The following CCDC191 variants were observed in gnomAD, a reference collection of about 807,000 sequenced individuals.
The protein encoded by CCDC191 is coiled-coil domain-containing protein 191.
CCDC191 carries 99 observed loss-of-function variants against 114.0 expected under a neutral mutation model. The ratio of observed to expected loss-of-function variants is 0.87; its 90% CI spans 0.74 to 1.03. CCDC191 has a LOEUF of 1.03. CCDC191 is among the 50% of genes least tolerant of loss of function. CCDC191 has a pLI of 0.00. For synonymous variants in CCDC191, 351 were observed against 376.0 expected (o/e 0.93, Z 0.77); for missense variants, 973 against 1,087.0 (o/e 0.90, Z 1.47).
At chr3:114,015,477 T>C (rs1005334617) in intron 8 of CCDC191, among the ~76,000 whole-genome samples, 2 of 152,222 alleles carry the variant, frequency 1.3e-5, no homozygotes, top group African/African-American at 4.8e-5. Context: ...TTTTAAGTAG[T>C]GATTTATGAG....
At position 113,980,665 on chromosome 3, in the gene CCDC191, G is replaced by A; in HGVS notation, c.2292C>T (p.Ser764=). ...GACAGTGTACCTGGATGTTTTGTTT[G>A]CTTTGCATTCTCAATCTCTTCCAAG... The part of the protein sequence containing the change: ...LEPWKRLRMQ[S]KQNIQVAEEH... Residue 764 remains serine (S), a synonymous_variant, in exon 14 of 17, where the codon AGC becomes AGT. Coordinates refer to ENST00000295878, the MANE Select transcript of CCDC191 (RefSeq NM_020817.2). 1 of 1,591,080 alleles carries A rather than the reference G, an allele frequency of 6.3e-7. No individual in the cohort carries two copies. Among genetic ancestry groups the A allele is most frequent in the Non-Finnish European group, 8.5e-7 (1 of 1,173,720 alleles).
intron 6 of CCDC191, among the ~76,000 whole-genome samples, chr3:114,032,120 C>G: frequency 6.6e-6 from 1 of 152,110 alleles, no homozygotes; most frequent in East Asian, 1.9e-4. Context: ...CATAAATTAT[C>G]TCCCATAGAA....
intron 9 of CCDC191, among the ~76,000 whole-genome samples, chr3:114,007,678 C>T (rs1011523512): frequency 3.9e-5 from 6 of 152,046 alleles, no homozygotes; most frequent in African/African-American, 1.4e-4. Context: ...CTTAGTGGTA[C>T]AGATAGTACT....
In CCDC191 at chr3:113,965,161, G is replaced by A. The variant is rs145304274; in HGVS notation, c.2805C>T (p.Asn935=). 291 of 1,593,814 alleles carry A rather than the reference G, an allele frequency of 1.8e-4. No individual in the cohort carries two copies. The African/African-American group carries it at 3.3e-3, about 18-fold the overall frequency. Residue 935 remains asparagine, a synonymous_variant, in exon 17 of 17, where the codon AAC becomes AAT. Transcript: ENST00000295878. The part of the protein sequence containing the change: ...TWSLSKTSLV[N]E ...AATATTACACTAATCTGGCTCATTC[G>A]TTCACCAGACTTGTCTTACTCAAGG...
chr3:113,967,516 GATAC>G (rs1489515409), intron 16 of CCDC191, among the ~76,000 whole-genome samples: 6 of 151,760 alleles, frequency 4.0e-5, no homozygotes, highest in African/African-American at 1.5e-4. Flanking sequence ...TATTTTTATT[GATAC>G]ATAATATACA....
At chr3:114,018,598 G>A (rs2076198863) in intron 8 of CCDC191, 80 bp downstream of exon 8, 2 of 1,169,082 alleles carry the variant, frequency 1.7e-6, no homozygotes, top group South Asian at 3.3e-5. Context: ...GTTGGCATGT[G>A]TAAAGTTTAT....
chr3:113,978,684 TAATA>T, intron 15 of CCDC191, 170 bp downstream of exon 15: 1 of 713,320 alleles, frequency 1.4e-6, no homozygotes, highest in South Asian at 2.0e-5. Flanking sequence ...GATTTTACAC[TAATA>T]AAACACTGAT....
chr3:114,050,787 T>C (rs1054497529), intron 2 of CCDC191, among the ~76,000 whole-genome samples: 1 of 152,224 alleles, frequency 6.6e-6, no homozygotes, highest in African/African-American at 2.4e-5. Context: ...TGATGGCACA[T>C]AGAATAACTG....
At chr3:113,965,555 T>TGATG (rs1475554349) in intron 16 of CCDC191, among the ~76,000 whole-genome samples, 196 bp from the exon 17 acceptor site, 1 of 152,128 alleles carries the variant, frequency 6.6e-6, no homozygotes, top group Non-Finnish European at 1.5e-5. Flanking sequence ...TGAGAGTGAC[T>TGATG]GATTGATTGA....
chr3:114,001,649 T>C lies in CCDC191; in HGVS notation c.2109A>G (p.Glu703=). The change falls in exon 13 of 17, where the codon GAA becomes GAG. Residue 703 remains glutamate, a synonymous_variant. Coordinates refer to ENST00000295878, the MANE Select transcript of CCDC191 (RefSeq NM_020817.2). ...QEEERQKREA[E]EKEAQLERKR... Reference sequence around the variant, plus strand: ...TTCTTTCAAGCTGTGCCTCCTTTTCTTCTGCCTCCCTTTTCTGACGTTCCT... The same window carrying C: ...TTCTTTCAAGCTGTGCCTCCTTTTCCTCTGCCTCCCTTTTCTGACGTTCCT... 6.2e-7 allele frequency: 1 copy of C among 1,614,000 alleles called. No homozygotes were observed. The highest frequency in any genetic ancestry group is 8.5e-7 in the Non-Finnish European group (1 of 1,179,862).
chr3:114,029,623 A>G (rs1040019158), intron 7 of CCDC191, among the ~76,000 whole-genome samples: 1 of 152,202 alleles, frequency 6.6e-6, no homozygotes, highest in Non-Finnish European at 1.5e-5. Context: ...AAAGACAAGG[A>G]GAAGGAAAAA....
At chr3:113,987,703 G>GGA (rs1176942794) in intron 13 of CCDC191, among the ~76,000 whole-genome samples, 1 of 152,148 alleles carries the variant, frequency 6.6e-6, no homozygotes, top group Non-Finnish European at 1.5e-5. Context: ...TCAGGTAGAA[G>GGA]GAGATTATTT....
Position 114,031,792 on chromosome 3 carries a change from A to G in CCDC191, c.819-13T>C, listed in dbSNP as rs372701672. 1.8e-6 allele frequency: 2 copies of G among 1,114,364 alleles called. No homozygotes were observed. Among genetic ancestry groups the G allele is most frequent in the Non-Finnish European group, 2.6e-6 (2 of 757,628 alleles). The allele number at this position is 1,114,364 out of a possible 1,614,324, so 69.0% of individuals were successfully genotyped here. A position where few individuals can be genotyped will look rare whatever the true frequency, so the allele number is the denominator to read the frequency against. ...CCTTTTCTTCTCTCTATTAATAACA[A>G]TTTAAAAATACATGTATATTTACAA... On this transcript the variant is annotated splice_polypyrimidine_tract_variant and intron_variant, in intron 6 of 16. Transcript: ENST00000295878.
chr3:114,001,808 A>G (rs980375446), intron 12 of CCDC191, 112 bp from the exon 13 acceptor site: 20 of 1,300,122 alleles, frequency 1.5e-5, no homozygotes, highest in Admixed American at 2.3e-5. Context: ...TATCTCTGGA[A>G]GAAGTCTGCA....
chr3:113,965,192 G>T lies in CCDC191; in HGVS notation c.2774C>A (p.Thr925Asn). 6.2e-7 allele frequency: 1 copy of T among 1,609,688 alleles called. No individual in the cohort carries two copies. Among genetic ancestry groups the T allele is most frequent in the Non-Finnish European group, 8.5e-7 (1 of 1,178,080 alleles). Residue 925 changes from threonine to asparagine, a missense_variant, in exon 17 of 17, where the codon ACT becomes AAT. Coordinates refer to ENST00000295878, the MANE Select transcript of CCDC191 (RefSeq NM_020817.2). The stretch of plus-strand genomic sequence containing the variant: ...CAGACTTGTCTTACTCAAGGACCAA[G>T]TATCTGATTGCTGATATAGCTCGTG... ...RYHELYQQSD[T>N]WSLSKTSLVN...
At chr3:113,985,449 A>G (rs1176449163) in intron 13 of CCDC191, among the ~76,000 whole-genome samples, 2 of 152,090 alleles carry the variant, frequency 1.3e-5, no homozygotes, top group Non-Finnish European at 2.9e-5. Flanking sequence ...ACAGACTGAG[A>G]CAGTGGTGGA....
rs544353325 is a variant in CCDC191, at chr3:113,970,973, G to A, written c.2607-5614C>T. Reference sequence around the variant, plus strand: ...TTCTTAATCCAGTCTATCATTGTTGGACATTTGGGTTGGTTCCAAGTCTTT... The same window carrying A: ...TTCTTAATCCAGTCTATCATTGTTGAACATTTGGGTTGGTTCCAAGTCTTT... On this transcript the variant is annotated intron_variant, in intron 16 of 16. Coordinates refer to ENST00000295878, the MANE Select transcript of CCDC191 (RefSeq NM_020817.2). Among the ~76,000 whole-genome samples, 24 of 152,234 alleles carry A rather than the reference G, an allele frequency of 1.6e-4. No individual in the cohort carries two copies. The East Asian group carries it at 4.4e-3, about 28-fold the overall frequency.
At chr3:113,967,725 T>C (rs1005455961) in intron 16 of CCDC191, among the ~76,000 whole-genome samples, 2 of 152,180 alleles carry the variant, frequency 1.3e-5, no homozygotes, top group African/African-American at 4.8e-5. Flanking sequence ...TATTGAACAT[T>C]AGGCCTTATT....
intron 13 of CCDC191, among the ~76,000 whole-genome samples, chr3:113,986,868 G>A (rs538572448): frequency 6.6e-6 from 1 of 152,254 alleles, no homozygotes; most frequent in South Asian, 2.1e-4. Flanking sequence ...AGGACACAGT[G>A]AGAAGAAGCT....
Sources: gnomAD v4.1 joint callset for allele counts (sites outside exome capture counted in the v4.1 genomes callset) on GRCh38, gnomAD v4.1.1 for gene constraint, MANE v1.5 for transcripts, NCBI Gene and HGNC (gene_info 2026-07-23, HGNC 2026-07-21) for gene names.